USP7: variants seen among roughly 807,000 people sequenced by gnomAD.
USP7 encodes ubiquitin specific peptidase 7.
A neutral mutation model predicts 162.9 loss-of-function variants in USP7; 9 were observed. The ratio of observed to expected loss-of-function variants is 0.06; its 90% CI spans 0.03 to 0.10. The LOEUF (loss-of-function observed/expected upper bound fraction) is 0.10. USP7 is among the 10% of genes least tolerant of loss of function. The pLI is 1.00. For synonymous variants in USP7, 562 were observed against 475.9 expected (o/e 1.18, Z -2.35); for missense variants, 715 against 1,373.7 (o/e 0.52, Z 7.58).
intron 3 of USP7, among the ~76,000 whole-genome samples, chr16:8,922,626 G>T (rs992295998): frequency 6.6e-6 from 1 of 152,208 alleles, no homozygotes; most frequent in Non-Finnish European, 1.5e-5. Flanking sequence ...GCTTCCCCTG[G>T]TTCCAACTGC....
chr16:8,915,206 A>G lies in USP7; in HGVS notation c.1078+48T>C, dbSNP rs750452519. ...TTGTGTAAATGAAACATTAAAACAC[A>G]GTAGAAATCATCAAAAGATCATGCC... is the stretch of plus-strand genomic sequence containing the variant. On this transcript the variant is annotated intron_variant, in intron 10 of 30. Transcript: ENST00000344836. 8.1e-6 allele frequency: 12 copies of G among 1,487,572 alleles called. No individual in the cohort carries two copies. The South Asian group carries it at 1.4e-4, about 18-fold the overall frequency. The allele number at this position is 1,487,572 out of a possible 1,614,324, so 92.1% of individuals were successfully genotyped here.
chr16:8,915,401 C>G, intron 9 of USP7, 44 bp downstream of exon 9: 1 of 1,612,600 alleles, frequency 6.2e-7, no homozygotes, highest in South Asian at 1.1e-5. Context: ...AATTCACATT[C>G]TAAAACCTTT....
chr16:8,935,248 T>A (rs1201200711), intron 1 of USP7, among the ~76,000 whole-genome samples: 2 of 150,082 alleles, frequency 1.3e-5, no homozygotes, highest in Non-Finnish European at 3.0e-5. Context: ...TCTCCCAGGC[T>A]GGAGTGCAAT....
chr16:8,920,387 C>T lies in USP7; in HGVS notation c.583G>A (p.Val195Ile), dbSNP rs1897621355. The T allele has an allele frequency of 3.7e-6, 6 of 1,613,338 alleles. No homozygotes were observed. Among genetic ancestry groups the T allele is most frequent in the Non-Finnish European group, 5.1e-6 (6 of 1,179,830 alleles). The change falls in exon 5 of 31, where the codon GTA (valine) becomes ATA (isoleucine). Residue 195 changes from valine (V) to isoleucine (I), a missense_variant. Transcript: ENST00000344836. ...DDDKVTFEVF[V>I]QADAPHGVAW... The stretch of plus-strand genomic sequence containing the variant: ...ACTCCATGGGGAGCATCCGCCTGTA[C>T]AAAGACTTCAAAGGTAACTTTGTCA...
rs1555460976 is a variant in USP7, at chr16:8,894,531, G to GGC, written c.3202+18_3202+19insGC. The GGC allele has an allele frequency of 2.0e-6, 3 of 1,465,380 alleles. No individual in the cohort carries two copies. The highest frequency in any genetic ancestry group is 2.7e-5 in the East Asian group (1 of 37,658). The allele number at this position is 1,465,380 out of a possible 1,614,324, so 90.8% of individuals were successfully genotyped here. A position where few individuals can be genotyped will look rare whatever the true frequency, so the allele number is the denominator to read the frequency against. Reference sequence around the variant, plus strand: ...AGTCTGAAACCCACACCAGCCCCCGGGGGGGGGAGAACCCTTACCGGGCTG... The same window carrying GGC: ...AGTCTGAAACCCACACCAGCCCCCGGGCGGGGGGGAGAACCCTTACCGGGCTG... On this transcript the variant is annotated intron_variant, in intron 30 of 30. Transcript: ENST00000344836.
At chr16:8,926,812 A>G (rs1898029162) in intron 2 of USP7, among the ~76,000 whole-genome samples, 1 of 152,202 alleles carries the variant, frequency 6.6e-6, no homozygotes, top group South Asian at 2.1e-4. Flanking sequence ...TAAATGACAA[A>G]GCAACAAACT....
rs2061623788 is a variant in USP7, at chr16:8,893,020, C to T, written c.*978G>A. ...TAAAACTACACACAATGAATATCAA[C>T]ATCAGTGAAATTCACTTGCAGACTC... On this transcript the variant is annotated 3_prime_UTR_variant, in exon 31 of 31. Transcript: ENST00000344836. 6.6e-6 allele frequency: 1 copy of T among 152,226 alleles called. No homozygotes were observed. The highest frequency in any genetic ancestry group is 6.5e-5 in the Admixed American group (1 of 15,280). The allele number at this position is 152,226 out of a possible 1,614,324, so 9.4% of individuals were successfully genotyped here. A position where few individuals can be genotyped will look rare whatever the true frequency, so the allele number is the denominator to read the frequency against.
At chr16:8,953,435 G>C (rs1015960902) in intron 1 of USP7, among the ~76,000 whole-genome samples, 2 of 152,156 alleles carry the variant, frequency 1.3e-5, no homozygotes, top group Non-Finnish European at 2.9e-5. Flanking sequence ...CTGCCACTAA[G>C]TAAAGTCTGA....
chr16:8,922,461 C>A (rs1897748960), intron 3 of USP7, among the ~76,000 whole-genome samples: 1 of 152,236 alleles, frequency 6.6e-6, no homozygotes, highest in Admixed American at 6.5e-5. Context: ...GCACTCCAGC[C>A]TGGCGACAGA....
chr16:8,937,286 T>C (rs536420882), intron 1 of USP7, among the ~76,000 whole-genome samples: 70 of 152,282 alleles, frequency 4.6e-4, no homozygotes, highest in African/African-American at 1.6e-3. Context: ...GGCTCACGCC[T>C]GTAATCCCAA....
intron 1 of USP7, among the ~76,000 whole-genome samples, chr16:8,931,062 T>C (rs369977152): frequency 7.2e-5 from 11 of 152,220 alleles, no homozygotes; most frequent in African/African-American, 2.7e-4. Flanking sequence ...AAAGTCATTA[T>C]TTTACTATAG....
chr16:8,920,213 C>G, intron 5 of USP7, 146 bp downstream of exon 5: 1 of 656,038 alleles, frequency 1.5e-6, no homozygotes, highest in South Asian at 2.0e-5. Context: ...GAGTGTCAAG[C>G]AGGTGTGACT....
chr16:8,944,111 G>A (rs1567242457), intron 1 of USP7, among the ~76,000 whole-genome samples: 1 of 152,086 alleles, frequency 6.6e-6, no homozygotes, highest in Non-Finnish European at 1.5e-5. Context: ...AGTATATAAT[G>A]GTAGTTCCCT....
At chr16:8,901,809 G>A (rs966893752) in intron 18 of USP7, 2 of 443,846 alleles carry the variant, frequency 4.5e-6, no homozygotes, top group Admixed American at 4.0e-5. Context: ...TGCTCTTTAG[G>A]ATCTGACCAA....
rs776949671 is a variant in USP7, at chr16:8,930,409, A to G, written c.80-12T>C. 1.6e-4 allele frequency: 263 copies of G among 1,594,664 alleles called. No individual in the cohort carries two copies. Among genetic ancestry groups the G allele is most frequent in the Non-Finnish European group, 2.2e-4 (252 of 1,170,108 alleles). ...ATCTGTATCTCCCGCTTTAAAGAAG[A>G]AAAAGAAATTCCACGGGTTTTACAT... On this transcript the variant is annotated splice_polypyrimidine_tract_variant and intron_variant, in intron 1 of 30. Coordinates refer to ENST00000344836, the MANE Select transcript of USP7 (RefSeq NM_003470.3).
At chr16:8,923,146 C>T (rs1307387628) in intron 3 of USP7, 69 bp downstream of exon 3, 4 of 737,136 alleles carry the variant, frequency 5.4e-6, no homozygotes, top group African/African-American at 3.6e-5. Flanking sequence ...GTAGAGGCAG[C>T]AAATAACTTA....
intron 6 of USP7, among the ~76,000 whole-genome samples, 158 bp downstream of exon 6, chr16:8,918,873 C>A (rs553420859): frequency 2.6e-4 from 40 of 152,278 alleles, no homozygotes; most frequent in African/African-American, 8.2e-4. Context: ...GTAGGTGTCC[C>A]AGCACTGGGG....
Position 8,900,982 on chromosome 16 carries a change from A to C in USP7, c.2208+8T>G, listed in dbSNP as rs565349357. ...TATACTAATTATGGAAAAATAAACC[A>C]TCCAAACCTCATAGAGGATAAGGCT... On this transcript the variant is annotated splice_region_variant and intron_variant, in intron 20 of 30. Transcript: ENST00000344836. 6.8e-6 allele frequency: 11 copies of C among 1,613,444 alleles called. No individual in the cohort carries two copies. In the South Asian group the frequency reaches 1.1e-4, roughly 16 times the overall value.
rs1192066042 is a variant in USP7, at chr16:8,895,092, G to A, written c.2978C>T (p.Ala993Val). 6.2e-7 allele frequency: 1 copy of A among 1,614,194 alleles called. No homozygotes were observed. Residue 993 changes from alanine to valine, a missense_variant, in exon 28 of 31, where the codon GCG becomes GTG. By Grantham distance (64) the Ala-to-Val change is moderately conservative (BLOSUM62 0). Transcript: ENST00000344836. ...DKENEMLVTV[A>V]HFHKEVFGTF... ...TCCGAAGACCTCTTTGTGGAAATGCGCCACTGTGACAAGCATCTCATTCTC... is the reference window on the plus strand; with the variant it reads ...TCCGAAGACCTCTTTGTGGAAATGCACCACTGTGACAAGCATCTCATTCTC...
Sources: allele counts gnomAD v4.1 joint callset (sites outside exome capture counted in the v4.1 genomes callset), GRCh38; gene constraint gnomAD v4.1.1; transcripts MANE v1.5; gene names NCBI Gene and HGNC (gene_info 2026-07-23, HGNC 2026-07-21).